TJP3: variants seen among roughly 807,000 people sequenced by gnomAD.
TJP3 encodes tight junction protein 3, also known as tight junction protein ZO-3.
In TJP3, 85 loss-of-function variants were observed where a neutral mutation model predicts 104.2. That is an observed-to-expected ratio of 0.82 (90% CI 0.68 to 0.98). The LOEUF (loss-of-function observed/expected upper bound fraction) is 0.98. TJP3 is among the 50% of genes least tolerant of loss of function. The probability of loss-of-function intolerance (pLI) is 0.00; values close to 1 mark genes in which losing one functional copy is unlikely to be tolerated. For missense variants in TJP3, 1,367 were observed against 1,322.8 expected (o/e 1.03, Z -0.52); for synonymous variants, 550 against 550.6 (o/e 1.00, Z 0.02).
Position 3,746,199 on chromosome 19 carries a change from G to C in TJP3, c.2010+118G>C. ...CACCCCACAAGTGCAGTCTTCCATAGAGCCCCTTTTGGAGGCTTTGTGAGG... is the reference window on the plus strand; with the variant it reads ...CACCCCACAAGTGCAGTCTTCCATACAGCCCCTTTTGGAGGCTTTGTGAGG... On this transcript the variant is annotated intron_variant, in intron 16 of 20. Coordinates refer to ENST00000541714, the MANE Select transcript of TJP3 (RefSeq NM_001267560.2). The surrounding 1 kb of genome is among the most constrained non-coding windows in gnomAD (Gnocchi z 4.1). The C allele has an allele frequency of 9.0e-7, 1 of 1,114,530 alleles. No homozygotes were observed. The allele number at this position is 1,114,530 out of a possible 1,614,324, so 69.0% of individuals were successfully genotyped here.
intron 1 of TJP3, among the ~76,000 whole-genome samples, chr19:3,711,078 T>A: frequency 1.3e-5 from 1 of 79,776 alleles, no homozygotes; most frequent in Non-Finnish European, 2.5e-5. Context: ...TAATTTTTTG[T>A]ATTTTTAGTA....
At chr19:3,739,287 C>T (rs1011739572) in intron 13 of TJP3, among the ~76,000 whole-genome samples, 153 bp downstream of exon 13, 16 of 152,062 alleles carry the variant, frequency 1.1e-4, no homozygotes, top group Non-Finnish European at 2.2e-4. Context: ...GTCAAGAGAT[C>T]GAGACCATCC....
chr19:3,735,662 C>T lies in TJP3; in HGVS notation c.1060+23C>T, dbSNP rs750239482. 12 of 1,613,680 alleles carry T rather than the reference C, an allele frequency of 7.4e-6. No individual in the cohort carries two copies. In the Admixed American group the frequency reaches 2.0e-4, roughly 27 times the overall value. ...CAGGTGGGTGGTGACTCTGAGCACC[C>T]CTGTCCCTGACATTTCTGATCCCTG... On this transcript the variant is annotated intron_variant, in intron 9 of 20. Transcript: ENST00000541714.
chr19:3,716,219 C>T (rs945744354), intron 1 of TJP3, among the ~76,000 whole-genome samples: 13 of 147,838 alleles, frequency 8.8e-5, no homozygotes, highest in African/African-American at 2.9e-4. Context: ...ATTACAGGTG[C>T]CTGTCACTAC....
At chr19:3,721,741 G>C (rs1464321915) in intron 1 of TJP3, 2 of 389,516 alleles carry the variant, frequency 5.1e-6, no homozygotes, top group African/African-American at 2.1e-5. Context: ...AGGTGCAGCC[G>C]GGAGCTGCGG....
intron 19 of TJP3, among the ~76,000 whole-genome samples, chr19:3,748,765 T>G (rs1461880595): frequency 1.4e-5 from 2 of 147,172 alleles, no homozygotes; most frequent in Non-Finnish European, 3.0e-5. Context: ...ACAGGGTTTC[T>G]CCATGTTGGT....
intron 1 of TJP3, among the ~76,000 whole-genome samples, chr19:3,718,191 C>CAA (rs398033736): frequency 2.4e-5 from 1 of 42,264 alleles, no homozygotes; most frequent in Non-Finnish European, 4.2e-5. Flanking sequence ...GACTCCAACT[C>CAA]AAAAAAAAAA....
intron 15 of TJP3, 115 bp downstream of exon 15, chr19:3,744,149 A>C (rs1599162667): frequency 1.1e-6 from 1 of 894,618 alleles, no homozygotes; most frequent in Non-Finnish European, 1.8e-6. Flanking sequence ...CAGATGGGCC[A>C]CCAGTGCCCC....
intron 14 of TJP3, among the ~76,000 whole-genome samples, chr19:3,742,749 T>C (rs1370901515): frequency 1.3e-5 from 2 of 148,540 alleles, no homozygotes; most frequent in African/African-American, 5.0e-5. Context: ...GTGGATCACC[T>C]GAGTTCGGGA....
intron 12 of TJP3, 113 bp downstream of exon 12, chr19:3,738,776 C>T: frequency 7.6e-7 from 1 of 1,320,434 alleles, no homozygotes; most frequent in South Asian, 1.3e-5. Context: ...CACCCTCCAT[C>T]CCTCTCCCTG....
chr19:3,750,216 C>T (rs746195081), intron 20 of TJP3, 32 bp downstream of exon 20: 9 of 1,613,794 alleles, frequency 5.6e-6, no homozygotes, highest in African/African-American at 1.3e-5. Context: ...TTGGGGCCCT[C>T]AACCCTTCCC....
In TJP3 at chr19:3,731,847, C is replaced by CCTGCA. The variant is rs1451407115; in HGVS notation, c.614-87_614-86insTGCAC. ...CCATCAAGGTGTTAGGATGGGAGGG[C>CCTGCA]CCGCACCTGGACTGCTTACAGCAGG... On this transcript the variant is annotated intron_variant, in intron 5 of 20. Coordinates refer to ENST00000541714, the MANE Select transcript of TJP3 (RefSeq NM_001267560.2). The CCTGCA allele has an allele frequency of 6.8e-6, 7 of 1,024,974 alleles. No individual in the cohort carries two copies. The African/African-American group carries it at 1.1e-4, about 16-fold the overall frequency. The allele number at this position is 1,024,974 out of a possible 1,614,324, so 63.5% of individuals were successfully genotyped here. A position where few individuals can be genotyped will look rare whatever the true frequency, so the allele number is the denominator to read the frequency against.
At chr19:3,717,917 T>G (rs1286023321) in intron 1 of TJP3, among the ~76,000 whole-genome samples, 1 of 29,444 alleles carries the variant, frequency 3.4e-5, no homozygotes, top group African/African-American at 3.0e-4. Context: ...GACTGGCTAA[T>G]TAAAAAAAAA....
At chr19:3,740,821 C>A in intron 14 of TJP3, 58 bp downstream of exon 14, 1 of 1,434,602 alleles carries the variant, frequency 7.0e-7, no homozygotes, top group Non-Finnish European at 9.2e-7. Flanking sequence ...CCTGGTGCAC[C>A]TGTTCACTAA....
At chr19:3,718,237 G>A (rs2036506687) in intron 1 of TJP3, among the ~76,000 whole-genome samples, 1 of 128,050 alleles carries the variant, frequency 7.8e-6, no homozygotes, top group African/African-American at 3.2e-5. Context: ...GTGTGTGTGT[G>A]TGTGTGTGTG....
In TJP3 at chr19:3,750,619, C is replaced by T. The variant is rs200584158; in HGVS notation, c.2695C>T (p.Arg899Ter). ...EREALKKKFM[R>*]VHDAESSDED... ...GGAAGCCCTGAAGAAAAAGTTTATGCGAGTACATGATGCGGAGTCCTCCGA... is the reference window on the plus strand; with the variant it reads ...GGAAGCCCTGAAGAAAAAGTTTATGTGAGTACATGATGCGGAGTCCTCCGA... The change falls in exon 21 of 21, where the codon CGA (arginine) becomes TGA (stop). Residue 899 changes from arginine to a stop codon, truncating the protein, a stop_gained. Coordinates refer to ENST00000541714, the MANE Select transcript of TJP3 (RefSeq NM_001267560.2). LOFTEE classifies it high-confidence loss of function. The T allele has an allele frequency of 8.9e-5, 144 of 1,609,134 alleles. 2 individuals carry two copies. Among genetic ancestry groups the T allele is most frequent in the Admixed American group, 1.4e-4 (8 of 59,178 alleles).
At chr19:3,739,454 C>T (rs1318360188) in intron 13 of TJP3, among the ~76,000 whole-genome samples, 1 of 152,184 alleles carries the variant, frequency 6.6e-6, no homozygotes, top group Non-Finnish European at 1.5e-5. Context: ...CACGCCACTG[C>T]ACTCCAGCCT....
rs181784900 is a variant in TJP3, at chr19:3,724,790, C to T, written c.-9-3634C>T. On this transcript the variant is annotated intron_variant, in intron 1 of 20. Transcript: ENST00000541714. The stretch of plus-strand genomic sequence containing the variant: ...CTGGGCTCAAGCAATCCTCTTGCCT[C>T]GGTCTCCCAAAGTGCTGAGATTATA... Among the ~76,000 whole-genome samples, 189 of 152,206 alleles carry T rather than the reference C, an allele frequency of 1.2e-3. 3 individuals carry two copies. Among genetic ancestry groups the T allele is most frequent in the African/African-American group, 4.2e-3 (175 of 41,514 alleles).
intron 1 of TJP3, among the ~76,000 whole-genome samples, chr19:3,720,115 G>A (rs563572437): frequency 1.3e-5 from 2 of 152,290 alleles, no homozygotes; most frequent in East Asian, 3.9e-4. Flanking sequence ...TTACAGATGT[G>A]GAAACTGAGG....
Sources: allele counts gnomAD v4.1 joint callset (sites outside exome capture counted in the v4.1 genomes callset), GRCh38; gene constraint gnomAD v4.1.1; non-coding constraint Gnocchi (gnomAD v3.1); transcripts MANE v1.5; gene names NCBI Gene and HGNC (gene_info 2026-07-23, HGNC 2026-07-21).